ACOXL: variants seen among roughly 807,000 people sequenced by gnomAD.
ACOXL encodes acyl-CoA oxidase like.
In ACOXL, 70 loss-of-function variants were observed where a neutral mutation model predicts 71.9. The observed-to-expected ratio is 0.97, with a 90% CI of 0.80 to 1.19. The LOEUF (loss-of-function observed/expected upper bound fraction) is 1.19. ACOXL is among the 50% of genes most tolerant of loss of function. The pLI is 0.00. For synonymous variants in ACOXL, 253 were observed against 281.6 expected (o/e 0.90, Z 1.02); for missense variants, 703 against 736.3 (o/e 0.95, Z 0.52).
intron 16 of ACOXL, among the ~76,000 whole-genome samples, chr2:111,087,041 A>G (rs1373713397): frequency 6.6e-6 from 1 of 152,202 alleles, no homozygotes; most frequent in Non-Finnish European, 1.5e-5. Context: ...CAGGAATGCA[A>G]TCCCATTCAC....
intron 15 of ACOXL, among the ~76,000 whole-genome samples, chr2:111,047,219 G>T (rs2066059061): frequency 1.3e-5 from 2 of 152,210 alleles, no homozygotes; most frequent in South Asian, 4.1e-4. Flanking sequence ...AAGGTAACTT[G>T]AAGTGGGTGC....
At chr2:111,063,420 T>A (rs1370155763) in intron 16 of ACOXL, among the ~76,000 whole-genome samples, 1 of 152,180 alleles carries the variant, frequency 6.6e-6, no homozygotes, top group Non-Finnish European at 1.5e-5. Flanking sequence ...AGAAGAATTA[T>A]ACACTGACCA....
Position 110,953,331 on chromosome 2 carries a change from CATAT to C in ACOXL, c.1059+19702_1059+19705del, listed in dbSNP as rs34907551. On this transcript the variant is annotated intron_variant, in intron 12 of 17. Coordinates refer to ENST00000439055, the MANE Select transcript of ACOXL (RefSeq NM_001142807.4). ...TATTATCATTATAATTACTTTTATACATATATATATATATATTTCAATTAATTCC... is the reference window on the plus strand; with the variant it reads ...TATTATCATTATAATTACTTTTATACATATATATATATTTCAATTAATTCC... 1.5e-3 allele frequency among the ~76,000 whole-genome samples: 224 copies of C among 149,052 alleles called. 1 individual carries two copies. The highest frequency in any genetic ancestry group is 5.3e-3 in the African/African-American group (216 of 40,656).
At chr2:111,016,241 C>G (rs2064429478) in intron 14 of ACOXL, among the ~76,000 whole-genome samples, 1 of 152,014 alleles carries the variant, frequency 6.6e-6, no homozygotes, top group African/African-American at 2.4e-5. Context: ...TGACCCCAAA[C>G]CAGTTGATGG....
chr2:110,768,661 T>C (rs1392165731), intron 2 of ACOXL, among the ~76,000 whole-genome samples, 197 bp downstream of exon 2: 1 of 152,166 alleles, frequency 6.6e-6, no homozygotes, highest in Non-Finnish European at 1.5e-5. Flanking sequence ...TAGTGGGCAC[T>C]GAACTCACGA....
chr2:111,095,883 G>A (rs1227453608), intron 17 of ACOXL, among the ~76,000 whole-genome samples: 1 of 152,180 alleles, frequency 6.6e-6, no homozygotes, highest in African/African-American at 2.4e-5. Flanking sequence ...CCCATTTGCT[G>A]GTGTCCCCAA....
chr2:111,051,650 A>G (rs1028724565), intron 16 of ACOXL, among the ~76,000 whole-genome samples: 4 of 152,222 alleles, frequency 2.6e-5, no homozygotes, highest in African/African-American at 9.6e-5. Context: ...TTGTATTTTT[A>G]GTAGAGATGG....
At chr2:110,957,981 CG>C (rs1471991194) in intron 12 of ACOXL, among the ~76,000 whole-genome samples, 23 of 140,058 alleles carry the variant, frequency 1.6e-4, no homozygotes, top group African/African-American at 6.0e-4. Context: ...ACCTGGGAGG[CG>C]GAGATTGCAG....
chr2:110,870,797 G>T (rs1264698247), intron 10 of ACOXL, among the ~76,000 whole-genome samples: 1 of 152,134 alleles, frequency 6.6e-6, no homozygotes, highest in Non-Finnish European at 1.5e-5. Context: ...CTGTCTCAGG[G>T]TGCAGGATTT....
intron 5 of ACOXL, 26 bp downstream of exon 5, chr2:110,794,200 G>T: frequency 6.2e-7 from 1 of 1,601,384 alleles, no homozygotes; most frequent in Non-Finnish European, 8.6e-7. Context: ...TTCTCCTGCC[G>T]TGCAGGGGAG....
chr2:111,054,382 T>A (rs563436910), intron 16 of ACOXL, among the ~76,000 whole-genome samples: 251 of 152,254 alleles, frequency 1.6e-3, no homozygotes, highest in South Asian at 5.4e-3. Context: ...GATACCTTGA[T>A]CTAAGCAGAC....
intron 11 of ACOXL, among the ~76,000 whole-genome samples, chr2:110,909,351 C>T (rs1002514666): frequency 4.6e-5 from 7 of 152,194 alleles, no homozygotes; most frequent in African/African-American, 7.2e-5. Context: ...TTGAATAAAA[C>T]GTGTACCATA....
At chr2:111,116,784 T>A (rs1468659446) in intron 17 of ACOXL, among the ~76,000 whole-genome samples, 1 of 151,280 alleles carries the variant, frequency 6.6e-6, no homozygotes, top group Non-Finnish European at 1.5e-5. Flanking sequence ...AGAAAAACAA[T>A]CTTATTAGTT....
chr2:110,770,413 C>T (rs963117041), intron 2 of ACOXL, among the ~76,000 whole-genome samples: 3 of 152,232 alleles, frequency 2.0e-5, no homozygotes, highest in Admixed American at 6.5e-5. Context: ...GAAGGAATTA[C>T]AGGCAGAGCC....
At chr2:111,113,813 A>G (rs1382407958) in intron 17 of ACOXL, among the ~76,000 whole-genome samples, 1 of 152,228 alleles carries the variant, frequency 6.6e-6, no homozygotes, top group African/African-American at 2.4e-5. Flanking sequence ...AGATTAAAAG[A>G]TGTTTGTTCA....
chr2:110,812,773 C>A (rs530269200), intron 9 of ACOXL, among the ~76,000 whole-genome samples: 1 of 152,226 alleles, frequency 6.6e-6, no homozygotes, highest in African/African-American at 2.4e-5. Flanking sequence ...TGCTTCGATT[C>A]CACGAAGACG....
intron 3 of ACOXL, among the ~76,000 whole-genome samples, chr2:110,790,674 CA>C (rs1684536121): frequency 6.6e-6 from 1 of 152,176 alleles, no homozygotes. Context: ...TGAGGTCTGC[CA>C]GGGGCAGGAC....
chr2:110,852,654 T>G (rs192262245), intron 10 of ACOXL, among the ~76,000 whole-genome samples: 24 of 152,356 alleles, frequency 1.6e-4, no homozygotes, highest in South Asian at 1.0e-3. Context: ...ACTGGGCCTG[T>G]AGGGGTGCTG....
intron 11 of ACOXL, among the ~76,000 whole-genome samples, chr2:110,917,662 C>A (rs2059915255): frequency 1.3e-5 from 2 of 152,238 alleles, no homozygotes; most frequent in South Asian, 4.1e-4. Flanking sequence ...ACCCCATAGT[C>A]TCAGCCCAAA....
Sources: allele counts gnomAD v4.1 joint callset (sites outside exome capture counted in the v4.1 genomes callset), GRCh38; gene constraint gnomAD v4.1.1; transcripts MANE v1.5; gene names NCBI Gene and HGNC (gene_info 2026-07-23, HGNC 2026-07-21).